Variants in KIDINS220 observed in about 807,000 individuals in gnomAD.
The protein encoded by KIDINS220 is kinase D-interacting substrate of 220 kDa.
In KIDINS220, 63 loss-of-function variants were observed where a neutral mutation model predicts 157.6. That is an observed-to-expected ratio of 0.40 (90% CI 0.33 to 0.49). The LOEUF is 0.49. KIDINS220 is among the 20% of genes least tolerant of loss of function. The probability of loss-of-function intolerance (pLI) is 0.66; values close to 1 mark genes in which losing one functional copy is unlikely to be tolerated. For missense variants in KIDINS220, 1,772 were observed against 2,171.2 expected (o/e 0.82, Z 3.65); for synonymous variants, 732 against 783.6 (o/e 0.93, Z 1.10).
At chr2:8,789,454 A>T (rs1197637926) in intron 14 of KIDINS220, among the ~76,000 whole-genome samples, 2 of 151,756 alleles carry the variant, frequency 1.3e-5, no homozygotes, top group Non-Finnish European at 2.9e-5. Context: ...TGCCCGGCTA[A>T]TTTTTTTGTA....
rs549542197 is a variant in KIDINS220 at position 8,760,810 on chromosome 2, C to T, written c.3012-9166G>A. Among the ~76,000 whole-genome samples, 7 of 152,206 alleles carry T rather than the reference C, an allele frequency of 4.6e-5. No homozygotes were observed. The South Asian group carries it at 6.2e-4, about 14-fold the overall frequency. On this transcript the variant is annotated intron_variant, in intron 22 of 29. Transcript: ENST00000256707. Reference sequence around the variant, plus strand: ...TTCTGCTTCATTTATTGGACTTTTGCATAAGATCTGGAGACAGGCTTCCAC... The same window carrying T: ...TTCTGCTTCATTTATTGGACTTTTGTATAAGATCTGGAGACAGGCTTCCAC...
Position 8,747,889 on chromosome 2 carries a change from G to T in KIDINS220, c.3526C>A (p.Leu1176Ile). The change falls in exon 25 of 30, where the codon CTA (leucine) becomes ATA (isoleucine). Residue 1176 changes from leucine to isoleucine, a missense_variant and splice_region_variant. Physicochemically the swap from Leu to Ile is conservative, Grantham distance 5 (BLOSUM62 2). Coordinates refer to ENST00000256707, the MANE Select transcript of KIDINS220 (RefSeq NM_020738.4). The part of the protein sequence containing the change: ...TSLPRDQNNG[L>I]EVIKEDAAEG... ...GCGTTACCCTTTTATATACTTACTA[G>T]GCCATTGTTCTGATCTCTGGGCAAA... 6.4e-7 allele frequency: 1 copy of T among 1,566,590 alleles called. No homozygotes were observed.
chr2:8,735,168 T>C (rs1171508749), intron 27 of KIDINS220, among the ~76,000 whole-genome samples: 2 of 152,220 alleles, frequency 1.3e-5, no homozygotes, highest in Non-Finnish European at 2.9e-5. Context: ...GAAGTAGGCC[T>C]GGCAAACTTG....
chr2:8,790,507 G>A (rs1369755780), intron 13 of KIDINS220, among the ~76,000 whole-genome samples: 1 of 152,174 alleles, frequency 6.6e-6, no homozygotes, highest in African/African-American at 2.4e-5. Context: ...AATCACATTT[G>A]AGAATACTGT....
At chr2:8,721,600 T>C (rs1379932446), downstream of KIDINS220, 4 of 152,210 alleles carry the variant, frequency 2.6e-5, no homozygotes, top group African/African-American at 9.6e-5. Flanking sequence ...ATGATGATAC[T>C]GATGATGATG....
chr2:8,799,276 T>C (rs912612576), intron 9 of KIDINS220, among the ~76,000 whole-genome samples: 7 of 150,044 alleles, frequency 4.7e-5, no homozygotes, highest in Admixed American at 3.3e-4. Context: ...CTTTTCTATT[T>C]TTTTTTTTTT....
intron 22 of KIDINS220, among the ~76,000 whole-genome samples, chr2:8,755,994 G>A (rs1027023763): frequency 5.9e-5 from 9 of 152,148 alleles, no homozygotes; most frequent in Admixed American, 3.9e-4. Context: ...TGAAGGATCA[G>A]TTTCCTGTTT....
rs1218644899 is a variant in KIDINS220, at chr2:8,750,312, T to TCTGCTCTCTGG, written c.3203_3213dup (p.Ile1072ProfsTer61). The TCTGCTCTCTGG allele has an allele frequency of 6.3e-7, 1 of 1,595,304 alleles. No individual in the cohort carries two copies. On this transcript the variant is annotated frameshift_variant, in exon 24 of 30. Coordinates refer to ENST00000256707, the MANE Select transcript of KIDINS220 (RefSeq NM_020738.4). LOFTEE classifies it high-confidence loss of function. ...GGGTACGCCAGTCCTCCAATACTGA[T>TCTGCTCTCTGG]CTGCTCTCTGGCAGCACGAACATCT...
rs750276229 is a variant in KIDINS220, at chr2:8,736,857, G to A, written c.3717+11C>T. On this transcript the variant is annotated intron_variant, in intron 27 of 29. Coordinates refer to ENST00000256707, the MANE Select transcript of KIDINS220 (RefSeq NM_020738.4). ...CGCTGTCTCTGGTCCGTGTGTAAGT[G>A]GCTGCCTCACCTTTTTGATCGTGGT... 18 of 1,613,902 alleles carry A rather than the reference G, an allele frequency of 1.1e-5. No homozygotes were observed. Among genetic ancestry groups the A allele is most frequent in the Middle Eastern group, 1.7e-4 (1 of 6,054 alleles).
chr2:8,810,656 C>T (rs182723072), intron 6 of KIDINS220, among the ~76,000 whole-genome samples: 32 of 152,136 alleles, frequency 2.1e-4, no homozygotes, highest in Admixed American at 1.0e-3. Flanking sequence ...CGTGGTGGCA[C>T]GCACCTGTAA....
At chr2:8,765,050 A>G (rs557231686) in intron 22 of KIDINS220, among the ~76,000 whole-genome samples, 1 of 152,290 alleles carries the variant, frequency 6.6e-6, no homozygotes, top group African/African-American at 2.4e-5. Flanking sequence ...AAGGCTTCCT[A>G]AGGCAGTAAT....
At chr2:8,821,930 A>G (rs1427044363) in intron 2 of KIDINS220, among the ~76,000 whole-genome samples, 1 of 152,202 alleles carries the variant, frequency 6.6e-6, no homozygotes, top group Admixed American at 6.5e-5. Context: ...AAAATGTATC[A>G]GTAAAGATCC....
At chr2:8,803,622 T>C (rs1675033043) in intron 7 of KIDINS220, among the ~76,000 whole-genome samples, 1 of 152,192 alleles carries the variant, frequency 6.6e-6, no homozygotes. Flanking sequence ...AAAAGTGTAA[T>C]ATACTGTTTG....
intron 22 of KIDINS220, among the ~76,000 whole-genome samples, chr2:8,768,078 T>C (rs1327780451): frequency 1.3e-5 from 2 of 152,208 alleles, no homozygotes; most frequent in Non-Finnish European, 2.9e-5. Flanking sequence ...ACTATCTTCA[T>C]GAAAACTACT....
intron 9 of KIDINS220, 171 bp downstream of exon 9, chr2:8,800,229 T>C (rs1218196191): frequency 1.6e-5 from 8 of 493,018 alleles, no homozygotes; most frequent in East Asian, 6.2e-5. Flanking sequence ...GACATTAATA[T>C]AGAAATTTTA....
chr2:8,832,263 C>A (rs184807152), intron 1 of KIDINS220, among the ~76,000 whole-genome samples: 66 of 152,302 alleles, frequency 4.3e-4, no homozygotes, highest in African/African-American at 1.5e-3. Context: ...GAGGTATGTT[C>A]CTGGCAGTCT....
intron 7 of KIDINS220, among the ~76,000 whole-genome samples, chr2:8,805,493 A>G (rs1287796458): frequency 6.6e-6 from 1 of 152,170 alleles, no homozygotes; most frequent in Non-Finnish European, 1.5e-5. Flanking sequence ...GGGGCTTATG[A>G]TAAGTAACAA....
At chr2:8,722,644 G>A (rs1663027285), downstream of KIDINS220, 1 of 152,160 alleles carries the variant, frequency 6.6e-6, no homozygotes, top group South Asian at 2.1e-4. Flanking sequence ...CTTGAAAATT[G>A]AGCAGATTCT....
chr2:8,834,779 C>T (rs1200403116), intron 1 of KIDINS220, among the ~76,000 whole-genome samples: 3 of 152,132 alleles, frequency 2.0e-5, no homozygotes, highest in African/African-American at 7.2e-5. Flanking sequence ...CCTTCAAAAC[C>T]CCCCTCGCGG....
Sources: allele counts gnomAD v4.1 joint callset (sites outside exome capture counted in the v4.1 genomes callset), GRCh38; gene constraint gnomAD v4.1.1; transcripts MANE v1.5; gene names NCBI Gene and HGNC (gene_info 2026-07-23, HGNC 2026-07-21).